Variants in XXYLT1 observed in about 807,000 individuals in gnomAD.
XXYLT1 encodes the protein UDP-xylose:alpha-xyloside alpha-1,3-xylosyltransferase.
In XXYLT1, 20 loss-of-function variants were observed where a neutral mutation model predicts 28.9. The ratio of observed to expected loss-of-function variants is 0.69; its 90% CI spans 0.49 to 1.00. XXYLT1 has a LOEUF of 1.00. Among genes scored for constraint, XXYLT1 ranks in the 50% least tolerant of loss-of-function variants. XXYLT1 has a pLI of 0.00. For missense variants in XXYLT1, 542 were observed against 560.1 expected, an observed-to-expected ratio of 0.97 and a Z score of 0.33; for synonymous variants, 257 against 253.8, an observed-to-expected ratio of 1.01 and a Z score of -0.12.
chr3:195,246,569 C>T (rs1162748266), intron 1 of XXYLT1, among the ~76,000 whole-genome samples: 4 of 152,164 alleles, frequency 2.6e-5, no homozygotes, highest in Non-Finnish European at 4.4e-5. Context: ...GAGAGCAAGA[C>T]TCAGGGGAAA....
chr3:195,187,348 C>T (rs1722246890), intron 2 of XXYLT1, among the ~76,000 whole-genome samples: 1 of 152,178 alleles, frequency 6.6e-6, no homozygotes, highest in Admixed American at 6.5e-5. Flanking sequence ...AAGGCGTGAG[C>T]CACCATGCCC....
intron 2 of XXYLT1, among the ~76,000 whole-genome samples, chr3:195,174,156 C>T (rs1437156163): frequency 6.6e-6 from 1 of 152,154 alleles, no homozygotes; most frequent in African/African-American, 2.4e-5. Context: ...ATCAGGAAAC[C>T]TTCCACACAC....
chr3:195,140,285 CA>C (rs1236266646), intron 3 of XXYLT1, among the ~76,000 whole-genome samples: 1 of 152,220 alleles, frequency 6.6e-6, no homozygotes, highest in Non-Finnish European at 1.5e-5. Context: ...AGTCTATAGG[CA>C]ACGTTAGCAC....
chr3:195,122,386 G>A (rs559359060), intron 3 of XXYLT1, among the ~76,000 whole-genome samples: 21 of 152,166 alleles, frequency 1.4e-4, no homozygotes, highest in Non-Finnish European at 2.9e-4. Flanking sequence ...AGACGAAGGT[G>A]GAACACCAGC....
At chr3:195,090,649 T>C (rs1444193235) in intron 3 of XXYLT1, among the ~76,000 whole-genome samples, 2 of 148,632 alleles carry the variant, frequency 1.3e-5, no homozygotes, top group Non-Finnish European at 3.0e-5. Flanking sequence ...ATTCAAAAGC[T>C]AGCAGAAGGC....
intron 3 of XXYLT1, among the ~76,000 whole-genome samples, chr3:195,110,174 GTA>G: frequency 3.6e-5 from 1 of 27,920 alleles, no homozygotes; most frequent in Non-Finnish European, 9.8e-5. Flanking sequence ...TGGTGTCTGA[GTA>G]TGTGTGTGTG....
chr3:195,088,603 C>CT (rs1577012037), intron 3 of XXYLT1, among the ~76,000 whole-genome samples: 2 of 119,556 alleles, frequency 1.7e-5, no homozygotes, highest in Admixed American at 9.2e-5. Context: ...ACTGGAAACT[C>CT]TAAAAAGCAG....
chr3:195,217,037 T>G (rs1473051167), intron 2 of XXYLT1, among the ~76,000 whole-genome samples: 44 of 136,058 alleles, frequency 3.2e-4, no homozygotes, highest in Middle Eastern at 7.0e-3. Context: ...TAATCCAGCA[T>G]GTAAACAGAG....
intron 1 of XXYLT1, among the ~76,000 whole-genome samples, chr3:195,260,742 C>T (rs1279750227): frequency 6.6e-6 from 1 of 152,232 alleles, no homozygotes; most frequent in South Asian, 2.1e-4. Context: ...CTCGCTGTGG[C>T]ACTTAGTCAC....
chr3:195,174,932 G>A (rs986550949), intron 2 of XXYLT1, among the ~76,000 whole-genome samples: 1 of 151,970 alleles, frequency 6.6e-6, no homozygotes, highest in Admixed American at 6.6e-5. Context: ...ACATCTGTTT[G>A]TTTACTTATC....
chr3:195,211,259 T>G (rs1027774275), intron 2 of XXYLT1, among the ~76,000 whole-genome samples: 1 of 152,174 alleles, frequency 6.6e-6, no homozygotes, highest in Non-Finnish European at 1.5e-5. Flanking sequence ...CCGGGCGTGG[T>G]GGCTCACGCC....
At position 195,069,069 on chromosome 3, in the gene XXYLT1, A is replaced by G. The variant is rs1230996392; in HGVS notation, c.*646T>C. Reference sequence around the variant, plus strand: ...GGGAGATACAAGCTGTGAGTACTCTAATAATGAGATAAGTTTTCTTATGCA... The same window carrying G: ...GGGAGATACAAGCTGTGAGTACTCTGATAATGAGATAAGTTTTCTTATGCA... On this transcript the variant is annotated 3_prime_UTR_variant, in exon 4 of 4. Transcript: ENST00000310380. 3 of 152,354 alleles carry G rather than the reference A, an allele frequency of 2.0e-5. No homozygotes were observed. The highest frequency in any genetic ancestry group is 4.8e-5 in the African/African-American group (2 of 41,452). The allele number at this position is 152,354 out of a possible 1,614,324, so 9.4% of individuals were successfully genotyped here. A position where few individuals can be genotyped will look rare whatever the true frequency, so the allele number is the denominator to read the frequency against.
chr3:195,119,814 C>G (rs1381708984), intron 3 of XXYLT1, among the ~76,000 whole-genome samples: 1 of 151,916 alleles, frequency 6.6e-6, no homozygotes, highest in East Asian at 1.9e-4. Context: ...CTCAAAGGTC[C>G]TAAGATCACA....
chr3:195,130,486 A>G (rs991228223), intron 3 of XXYLT1, among the ~76,000 whole-genome samples: 1 of 152,234 alleles, frequency 6.6e-6, no homozygotes, highest in East Asian at 1.9e-4. Context: ...TGCTTTAACC[A>G]AGTCATTAGC....
Position 195,240,872 on chromosome 3 carries a change from G to A in XXYLT1, c.505-14016C>T, listed in dbSNP as rs1047777933. 6.6e-6 allele frequency among the ~76,000 whole-genome samples: 1 copy of A among 152,236 alleles called. No homozygotes were observed. The highest frequency in any genetic ancestry group is 1.5e-5 in the Non-Finnish European group (1 of 68,038). Reference sequence around the variant, plus strand: ...ACCTGGGAGGCGGAGGTTGCAGTGAGCTGAGATTGTGCCACTGCACTCCTG... The same window carrying A: ...ACCTGGGAGGCGGAGGTTGCAGTGAACTGAGATTGTGCCACTGCACTCCTG... On this transcript the variant is annotated intron_variant, in intron 1 of 3. Coordinates refer to ENST00000310380, the MANE Select transcript of XXYLT1 (RefSeq NM_152531.5). This position sits in a 1 kb window ranked among gnomAD's most constrained non-coding sequence, Gnocchi z 4.7.
chr3:195,109,412 A>AT, intron 3 of XXYLT1, among the ~76,000 whole-genome samples: 1 of 68,518 alleles, frequency 1.5e-5, no homozygotes, highest in African/African-American at 6.3e-5. Context: ...GTGCATGTGT[A>AT]TGGTGTGTGT....
chr3:195,111,033 G>A (rs1403125958), intron 3 of XXYLT1, among the ~76,000 whole-genome samples: 1 of 151,962 alleles, frequency 6.6e-6, no homozygotes, highest in Non-Finnish European at 1.5e-5. Context: ...CTGATTGTCC[G>A]CAGTCCTGGA....
intron 3 of XXYLT1, chr3:195,152,828 G>A (rs905146881): frequency 6.6e-6 from 1 of 152,362 alleles, no homozygotes; most frequent in South Asian, 2.1e-4. Context: ...CAAGTTTCCA[G>A]ATTAAAATGT....
chr3:195,121,638 T>G (rs1718365835), intron 3 of XXYLT1, among the ~76,000 whole-genome samples: 1 of 152,196 alleles, frequency 6.6e-6, no homozygotes, highest in South Asian at 2.1e-4. Context: ...TCTAACCACT[T>G]GGGTTTGGAG....
Sources: gnomAD v4.1 joint callset for allele counts (sites outside exome capture counted in the v4.1 genomes callset) on GRCh38, gnomAD v4.1.1 for gene constraint, Gnocchi (gnomAD v3.1) non-coding constraint, MANE v1.5 for transcripts, NCBI Gene and HGNC (gene_info 2026-07-23, HGNC 2026-07-21) for gene names.